RNF114: variants seen among roughly 807,000 people sequenced by gnomAD.
RNF114 encodes the protein E3 ubiquitin-protein ligase RNF114.
A neutral mutation model predicts 28.4 loss-of-function variants in RNF114; 6 were observed. The observed-to-expected ratio is 0.21, with a 90% CI of 0.12 to 0.42. The LOEUF (loss-of-function observed/expected upper bound fraction) is 0.42, where lower values mean the gene tolerates loss of function less well. Ranked by LOEUF, RNF114 falls within the 10% of genes least tolerant of loss-of-function variation. The probability of loss-of-function intolerance (pLI) is 1.00; values close to 1 mark genes in which losing one functional copy is unlikely to be tolerated. For synonymous variants in RNF114, 115 were observed against 116.7 expected (o/e 0.99, Z 0.09); for missense variants, 249 against 311.7 (o/e 0.80, Z 1.51).
intron 1 of RNF114, among the ~76,000 whole-genome samples, chr20:49,937,486 G>C (rs116011849): frequency 6.6e-6 from 1 of 152,164 alleles, no homozygotes; most frequent in Non-Finnish European, 1.5e-5. Flanking sequence ...AGCGGGGGAG[G>C]GTTGGCAGCC....
chr20:49,947,424 CAGTGGTGCAGAAATTTTAGA>C (rs2090337233), intron 4 of RNF114, among the ~76,000 whole-genome samples: 1 of 152,030 alleles, frequency 6.6e-6, no homozygotes, highest in South Asian at 2.1e-4. Flanking sequence ...TTGCTGTAAA[CAGTGGTGCAGAAATTTTAGA>C]ATTTTAATGA....
At chr20:49,937,119 G>A (rs1185910724) in intron 1 of RNF114, among the ~76,000 whole-genome samples, 1 of 152,182 alleles carries the variant, frequency 6.6e-6, no homozygotes, top group Non-Finnish European at 1.5e-5. Context: ...TCCTGTGTAG[G>A]AGGTTTGTTT....
intron 1 of RNF114, 86 bp downstream of exon 1, chr20:49,936,638 G>A (rs1484433600): frequency 1.3e-6 from 2 of 1,490,770 alleles, no homozygotes; most frequent in Admixed American, 4.9e-5. Context: ...CAGGGCGGGA[G>A]CCAGAGGACC....
At chr20:49,940,630 G>C (rs2090304060) in intron 1 of RNF114, among the ~76,000 whole-genome samples, 1 of 151,706 alleles carries the variant, frequency 6.6e-6, no homozygotes, top group Non-Finnish European at 1.5e-5. Context: ...AGCCAGGATG[G>C]TCTCGATCTC....
chr20:49,940,227 C>T (rs1053550582), intron 1 of RNF114, among the ~76,000 whole-genome samples: 7 of 152,008 alleles, frequency 4.6e-5, no homozygotes, highest in African/African-American at 1.5e-4. Flanking sequence ...AGATACATAT[C>T]AATTTTAAGC....
At chr20:49,939,977 C>T (rs559484991) in intron 1 of RNF114, among the ~76,000 whole-genome samples, 5 of 138,996 alleles carry the variant, frequency 3.6e-5, no homozygotes, top group South Asian at 2.5e-4. Flanking sequence ...TCGCTTGGAC[C>T]GGGGAGGCAG....
chr20:49,949,028 G>T (rs1403894995), intron 4 of RNF114, among the ~76,000 whole-genome samples: 1 of 150,916 alleles, frequency 6.6e-6, no homozygotes, highest in Non-Finnish European at 1.5e-5. Flanking sequence ...AGAAAGGGTG[G>T]TATCATGATT....
chr20:49,952,581 T>A lies in RNF114; in HGVS notation c.*440T>A, dbSNP rs1366330046. 4.0e-6 allele frequency: 1 copy of A among 251,372 alleles called. No homozygotes were observed. Among genetic ancestry groups the A allele is most frequent in the Non-Finnish European group, 7.6e-6 (1 of 131,458 alleles). The allele number at this position is 251,372 out of a possible 1,614,324, so 15.6% of individuals were successfully genotyped here. On this transcript the variant is annotated 3_prime_UTR_variant, in exon 6 of 6. Coordinates refer to ENST00000244061, the MANE Select transcript of RNF114 (RefSeq NM_018683.4). Reference sequence around the variant, plus strand: ...TCCTTGTCCCCAAGGTGTGCAGACTTTGGCAGCCGTGCACCTGACCAGAGC... The same window carrying A: ...TCCTTGTCCCCAAGGTGTGCAGACTATGGCAGCCGTGCACCTGACCAGAGC...
chr20:49,952,365 C>T lies in RNF114; in HGVS notation c.*224C>T, dbSNP rs1310465271. On this transcript the variant is annotated 3_prime_UTR_variant, in exon 6 of 6. Transcript: ENST00000244061. ...TTCCCCTACTGTTAACCTTGTTTGTCACACGGTCGAGTTCGTATTGGTTCT... is the reference window on the plus strand; with the variant it reads ...TTCCCCTACTGTTAACCTTGTTTGTTACACGGTCGAGTTCGTATTGGTTCT... 1 of 557,824 alleles carries T rather than the reference C, an allele frequency of 1.8e-6. No individual in the cohort carries two copies. The highest frequency in any genetic ancestry group is 3.2e-6 in the Non-Finnish European group (1 of 309,256). 34.6% of individuals were successfully genotyped at this position (557,824 alleles called of 1,614,324 possible). A position where few individuals can be genotyped will look rare whatever the true frequency, so the allele number is the denominator to read the frequency against.
intron 1 of RNF114, among the ~76,000 whole-genome samples, chr20:49,940,668 C>T (rs2146854247): frequency 6.6e-6 from 1 of 152,192 alleles, no homozygotes; most frequent in South Asian, 2.1e-4. Flanking sequence ...CCGCCTCGGC[C>T]TCCCAAAGTG....
At chr20:49,951,069 A>G (rs2090353612) in intron 5 of RNF114, among the ~76,000 whole-genome samples, 1 of 152,154 alleles carries the variant, frequency 6.6e-6, no homozygotes, top group Non-Finnish European at 1.5e-5. Context: ...GTAGTAGGTA[A>G]CTTTGGCCAA....
intron 1 of RNF114, among the ~76,000 whole-genome samples, chr20:49,936,773 G>A (rs572255866): frequency 5.1e-4 from 77 of 152,106 alleles, no homozygotes; most frequent in Non-Finnish European, 9.3e-4. Flanking sequence ...TCTTAGCGGG[G>A]CAGCTGCTGT....
chr20:49,944,026 T>G (rs1354295738), intron 2 of RNF114: 1 of 151,018 alleles, frequency 6.6e-6, no homozygotes, highest in Non-Finnish European at 1.5e-5. Flanking sequence ...TTGCACCCGG[T>G]CTCTTCATCT....
rs533228145 is a variant in RNF114 at position 49,946,743 on chromosome 20, A to G, written c.513+493A>G. 2.3e-4 allele frequency among the ~76,000 whole-genome samples: 35 copies of G among 152,240 alleles called. No individual in the cohort carries two copies. The South Asian group carries it at 7.0e-3, about 31-fold the overall frequency. On this transcript the variant is annotated intron_variant, in intron 4 of 5. Coordinates refer to ENST00000244061, the MANE Select transcript of RNF114 (RefSeq NM_018683.4). ...TCATGTGATGTCTGTTGTTGGTAACATTAACTTGGTTCCCTTGGTGTCCAC... is the reference window on the plus strand; with the variant it reads ...TCATGTGATGTCTGTTGTTGGTAACGTTAACTTGGTTCCCTTGGTGTCCAC...
intron 1 of RNF114, among the ~76,000 whole-genome samples, chr20:49,938,381 A>G (rs2146852776): frequency 6.6e-6 from 1 of 152,338 alleles, no homozygotes; most frequent in East Asian, 1.9e-4. Context: ...AATTGAAGAC[A>G]GATGGAAGCA....
At position 49,949,148 on chromosome 20, in the gene RNF114, A is replaced by T. The variant is rs942529249; in HGVS notation, c.514-100A>T. On this transcript the variant is annotated intron_variant, in intron 4 of 5. Transcript: ENST00000244061. ...AGTTACTGGCCCTGGACAGTATGTCAGGAAAGCTGTCCTGGAAGAAAGGAG... is the reference window on the plus strand; with the variant it reads ...AGTTACTGGCCCTGGACAGTATGTCTGGAAAGCTGTCCTGGAAGAAAGGAG... 1.5e-5 allele frequency: 14 copies of T among 917,370 alleles called. No homozygotes were observed. The Admixed American group carries it at 2.6e-4, about 17-fold the overall frequency. The allele number at this position is 917,370 out of a possible 1,614,324, so 56.8% of individuals were successfully genotyped here.
At position 49,936,660 on chromosome 20, in the gene RNF114, G is replaced by A. The variant is rs551342739; in HGVS notation, c.140+108G>A. On this transcript the variant is annotated intron_variant, in intron 1 of 5. Transcript: ENST00000244061. ...GGAGCCAGAGGACCCACCCAGAGGG[G>A]CCTCCCGGGGGTGTCCCCCGGGGCT... The A allele has an allele frequency of 2.8e-4, 384 of 1,380,986 alleles. 1 individual carries two copies. The African/African-American group carries it at 5.6e-3, about 20-fold the overall frequency. 85.5% of individuals were successfully genotyped at this position (1,380,986 alleles called of 1,614,324 possible).
intron 1 of RNF114, among the ~76,000 whole-genome samples, chr20:49,940,863 T>C (rs1049495875): frequency 1.3e-5 from 2 of 152,074 alleles, no homozygotes; most frequent in African/African-American, 4.8e-5. Flanking sequence ...TGCCTCAGCC[T>C]CCCGAGTAGC....
chr20:49,952,241 G>T lies in RNF114; in HGVS notation c.*100G>T. 1 of 1,067,892 alleles carries T rather than the reference G, an allele frequency of 9.4e-7. No homozygotes were observed. The highest frequency in any genetic ancestry group is 1.5e-6 in the Non-Finnish European group (1 of 686,636). 66.2% of individuals were successfully genotyped at this position (1,067,892 alleles called of 1,614,324 possible). A position where few individuals can be genotyped will look rare whatever the true frequency, so the allele number is the denominator to read the frequency against. The stretch of plus-strand genomic sequence containing the variant: ...TGTACCTTACCTGTTCAACAGACCT[G>T]AAAATGAGCCATGGCATTGGGACAG... On this transcript the variant is annotated 3_prime_UTR_variant, in exon 6 of 6. Transcript: ENST00000244061.
Sources: allele counts gnomAD v4.1 joint callset (sites outside exome capture counted in the v4.1 genomes callset), GRCh38; gene constraint gnomAD v4.1.1; transcripts MANE v1.5; gene names NCBI Gene and HGNC (gene_info 2026-07-23, HGNC 2026-07-21).